The following PRLR variants were observed in gnomAD, a reference collection of about 807,000 sequenced individuals.
PRLR encodes prolactin receptor, also known as hPRL receptor.
In PRLR, 13 loss-of-function variants were observed where a neutral mutation model predicts 40.2. That is an observed-to-expected ratio of 0.32 (90% CI 0.21 to 0.51). The LOEUF (loss-of-function observed/expected upper bound fraction) is 0.51. Among genes scored for constraint, PRLR ranks in the 20% least tolerant of loss-of-function variants. The pLI is 0.97. For missense variants in PRLR, 656 were observed against 747.3 expected (o/e 0.88, Z 1.42); for synonymous variants, 269 against 278.7 (o/e 0.97, Z 0.35).
chr5:35,125,375 C>T (rs1773425435), intron 1 of PRLR, among the ~76,000 whole-genome samples: 1 of 152,190 alleles, frequency 6.6e-6, no homozygotes, highest in Non-Finnish European at 1.5e-5. Flanking sequence ...GTAAATCCAT[C>T]TTTCCCTGAT....
At chr5:35,086,560 GGTGTGTGT>G (rs113256007) in intron 3 of PRLR, among the ~76,000 whole-genome samples, 1 of 148,090 alleles carries the variant, frequency 6.8e-6, no homozygotes, top group Non-Finnish European at 1.5e-5. Flanking sequence ...GCATTTTGCT[GGTGTGTGT>G]GTGTGTGTGT....
chr5:35,099,686 C>A (rs935683496), intron 2 of PRLR, among the ~76,000 whole-genome samples: 2 of 151,990 alleles, frequency 1.3e-5, no homozygotes, highest in Non-Finnish European at 2.9e-5. Context: ...TGAAAGACAG[C>A]AATAGGGACG....
intron 1 of PRLR, among the ~76,000 whole-genome samples, chr5:35,118,733 C>G (rs1481870054): frequency 6.6e-6 from 1 of 151,360 alleles, no homozygotes; most frequent in African/African-American, 2.4e-5. Flanking sequence ...CTTTCAGACT[C>G]TGGGGACTGA....
At chr5:35,152,350 A>G (rs1411859443) in intron 1 of PRLR, among the ~76,000 whole-genome samples, 2 of 152,224 alleles carry the variant, frequency 1.3e-5, no homozygotes, top group East Asian at 3.8e-4. Context: ...GGAGGCTTAT[A>G]TTGTGGGATG....
At chr5:35,076,883 C>A (rs1770138901) in intron 5 of PRLR, among the ~76,000 whole-genome samples, 8 of 152,116 alleles carry the variant, frequency 5.3e-5, no homozygotes, top group Admixed American at 5.2e-4. Context: ...AGAGTGGGGG[C>A]CAATATTCAA....
intron 1 of PRLR, among the ~76,000 whole-genome samples, chr5:35,206,844 AAAG>A (rs1259106626): frequency 3.3e-5 from 5 of 152,164 alleles, no homozygotes; most frequent in African/African-American, 1.2e-4. Context: ...CTAAAAAAAG[AAAG>A]AAGATCAAAT....
At chr5:35,123,969 G>C (rs1367066693) in intron 1 of PRLR, among the ~76,000 whole-genome samples, 1 of 152,190 alleles carries the variant, frequency 6.6e-6, no homozygotes, top group Non-Finnish European at 1.5e-5. Context: ...AATTATAACA[G>C]AGCTGGGGGA....
intron 1 of PRLR, among the ~76,000 whole-genome samples, chr5:35,165,720 T>C (rs1273680647): frequency 6.6e-6 from 1 of 152,320 alleles, no homozygotes; most frequent in African/African-American, 2.4e-5. Context: ...TGGAAGAATA[T>C]GTGAAGTATT....
intron 5 of PRLR, among the ~76,000 whole-genome samples, chr5:35,079,363 T>C (rs867722381): frequency 6.6e-6 from 1 of 152,174 alleles, no homozygotes; most frequent in Admixed American, 6.6e-5. Flanking sequence ...AGCAAGTCTC[T>C]GGATACAAAA....
chr5:35,052,872 C>T (rs980082446), downstream of PRLR, among the ~76,000 whole-genome samples: 10 of 152,336 alleles, frequency 6.6e-5, no homozygotes, highest in Non-Finnish European at 1.2e-4. Context: ...TCCTACAAGG[C>T]TGTCCGTACT....
intron 1 of PRLR, among the ~76,000 whole-genome samples, chr5:35,199,252 C>T (rs1391327651): frequency 3.3e-5 from 5 of 152,090 alleles, no homozygotes; most frequent in African/African-American, 1.2e-4. Flanking sequence ...TCGATGCAGG[C>T]CCTAGTTCTT....
intron 2 of PRLR, among the ~76,000 whole-genome samples, chr5:35,093,496 G>A (rs1399319908): frequency 6.6e-6 from 1 of 152,164 alleles, no homozygotes; most frequent in Non-Finnish European, 1.5e-5. Flanking sequence ...CTGTCCTGCT[G>A]TATCTGTTGC....
intron 1 of PRLR, among the ~76,000 whole-genome samples, chr5:35,204,384 G>A (rs1045385639): frequency 1.3e-5 from 2 of 152,038 alleles, no homozygotes; most frequent in Non-Finnish European, 2.9e-5. Flanking sequence ...TTATGATGAG[G>A]ATGGGGATGG....
chr5:35,119,131 A>G (rs1285086894), intron 1 of PRLR, among the ~76,000 whole-genome samples: 2 of 152,154 alleles, frequency 1.3e-5, no homozygotes, highest in Non-Finnish European at 2.9e-5. Flanking sequence ...GATATATATG[A>G]ACAGCAATTC....
chr5:35,082,144 T>A (rs1770566658), intron 5 of PRLR, among the ~76,000 whole-genome samples: 1 of 152,240 alleles, frequency 6.6e-6, no homozygotes, highest in African/African-American at 2.4e-5. Context: ...GAAGAGCAGG[T>A]GCTTAGGGAG....
intron 1 of PRLR, among the ~76,000 whole-genome samples, chr5:35,180,450 C>T (rs1027240252): frequency 1.3e-5 from 2 of 152,144 alleles, no homozygotes; most frequent in African/African-American, 4.8e-5. Context: ...TGTGACATAC[C>T]TGTTGCCCCT....
intron 2 of PRLR, among the ~76,000 whole-genome samples, chr5:35,096,436 G>A (rs185765049): frequency 2.0e-5 from 3 of 152,188 alleles, no homozygotes; most frequent in East Asian, 1.9e-4. Flanking sequence ...GAAAACCCAC[G>A]TTGGCCTGAT....
At chr5:35,214,865 C>G (rs1284869303) in intron 1 of PRLR, among the ~76,000 whole-genome samples, 1 of 152,180 alleles carries the variant, frequency 6.6e-6, no homozygotes, top group African/African-American at 2.4e-5. Flanking sequence ...AGAAAGTATG[C>G]ACACAAATAA....
chr5:35,229,339 T>C (rs1175788387), intron 1 of PRLR, among the ~76,000 whole-genome samples: 5 of 152,014 alleles, frequency 3.3e-5, no homozygotes, highest in Non-Finnish European at 4.4e-5. Flanking sequence ...TCCAGACTAA[T>C]AATAATGTTT....
Sources: gnomAD v4.1 joint callset for allele counts (sites outside exome capture counted in the v4.1 genomes callset) on GRCh38, gnomAD v4.1.1 for gene constraint, MANE v1.5 for transcripts, NCBI Gene and HGNC (gene_info 2026-07-23, HGNC 2026-07-21) for gene names.